NEK10: variants seen among roughly 807,000 people sequenced by gnomAD.
NEK10 encodes the protein NIMA related kinase 10, also known as serine/threonine-protein kinase Nek10.
Under a neutral mutation model 159.8 loss-of-function variants are expected in NEK10, and 122 were observed. The observed-to-expected ratio is 0.76, with a 90% confidence interval of 0.66 to 0.89. The LOEUF (loss-of-function observed/expected upper bound fraction) is 0.89. Among genes scored for constraint, NEK10 ranks in the 40% least tolerant of loss-of-function variants. NEK10 has a pLI of 0.00. For synonymous variants in NEK10, 466 were observed against 457.1 expected, an observed-to-expected ratio of 1.02 and a Z score of -0.25; for missense variants, 1,342 against 1,323.1, an observed-to-expected ratio of 1.01 and a Z score of -0.22.
Position 27,119,879 on chromosome 3 carries a change from A to T in NEK10, c.3082-11T>A, listed in dbSNP as rs1438406390. 1.2e-6 allele frequency: 2 copies of T among 1,600,780 alleles called. No individual in the cohort carries two copies. Among genetic ancestry groups the T allele is most frequent in the East Asian group, 4.5e-5 (2 of 44,782 alleles). On this transcript the variant is annotated splice_polypyrimidine_tract_variant and intron_variant, in intron 32 of 35. Transcript: ENST00000691995. The stretch of plus-strand genomic sequence containing the variant: ...AGATCCCTGAGATAACTGAAATAGA[A>T]AAAGCAAAATCACATCTTAGTTTAC...
intron 32 of NEK10, among the ~76,000 whole-genome samples, chr3:27,127,331 T>A (rs1054925571): frequency 6.6e-6 from 1 of 152,176 alleles, no homozygotes; most frequent in Non-Finnish European, 1.5e-5. Context: ...CTGAATACTG[T>A]CATGCACTGC....
intron 5 of NEK10, among the ~76,000 whole-genome samples, chr3:27,331,606 CAGGTAA>C (rs2046424608): frequency 6.6e-6 from 1 of 152,150 alleles, no homozygotes. Context: ...TGCTGAGGAC[CAGGTAA>C]AGCTTGAAAG....
chr3:27,115,808 A>G, intron 35 of NEK10, 132 bp downstream of exon 35: 1 of 679,874 alleles, frequency 1.5e-6, no homozygotes, highest in Non-Finnish European at 2.5e-6. Context: ...GTCTAAGCCA[A>G]GATATTTTAT....
chr3:27,365,332 A>G (rs1306503367), intron 1 of NEK10, among the ~76,000 whole-genome samples: 1 of 152,122 alleles, frequency 6.6e-6, no homozygotes, highest in Non-Finnish European at 1.5e-5. Flanking sequence ...GAGCCAGTCA[A>G]TTGTCATTTT....
chr3:27,172,013 T>C (rs1399705254), intron 28 of NEK10, 140 bp from the exon 29 acceptor site: 2 of 900,998 alleles, frequency 2.2e-6, no homozygotes, highest in East Asian at 5.4e-5. Flanking sequence ...TTGGTGGGAC[T>C]GTAAATTAGT....
chr3:27,199,506 T>G (rs1949862861), intron 25 of NEK10, among the ~76,000 whole-genome samples: 1 of 152,178 alleles, frequency 6.6e-6, no homozygotes, highest in Non-Finnish European at 1.5e-5. Context: ...GCACTGTTGG[T>G]GGGAGTGTAA....
chr3:27,143,962 G>A (rs1055275444), intron 30 of NEK10, among the ~76,000 whole-genome samples: 1 of 152,188 alleles, frequency 6.6e-6, no homozygotes, highest in Admixed American at 6.5e-5. Context: ...AAATTTCAGA[G>A]TACATTGGAA....
intron 23 of NEK10, among the ~76,000 whole-genome samples, chr3:27,246,060 A>G (rs577837123): frequency 6.6e-6 from 1 of 152,326 alleles, no homozygotes; most frequent in South Asian, 2.1e-4. Flanking sequence ...AAGATAAATG[A>G]TTCTGAATTT....
chr3:27,224,285 G>A (rs1952409319), intron 23 of NEK10, among the ~76,000 whole-genome samples: 1 of 152,218 alleles, frequency 6.6e-6, no homozygotes, highest in African/African-American at 2.4e-5. Context: ...TTCTTAGGGT[G>A]AGGGCTGGCT....
chr3:27,309,638 G>A (rs1482683825), intron 9 of NEK10: 2 of 152,110 alleles, frequency 1.3e-5, no homozygotes, highest in Non-Finnish European at 1.5e-5. Context: ...CTGATCCCAC[G>A]CTGGGAAGAA....
intron 23 of NEK10, chr3:27,215,636 T>G (rs1452905622): frequency 2.3e-5 from 11 of 473,236 alleles, no homozygotes; most frequent in African/African-American, 1.8e-4. Context: ...ATTTTGTTTA[T>G]CACATTTAAA....
At chr3:27,131,807 A>G in intron 32 of NEK10, 73 bp downstream of exon 32, 1 of 728,546 alleles carries the variant, frequency 1.4e-6, no homozygotes, top group South Asian at 1.8e-5. Context: ...GTACGAAGTA[A>G]AGGAGGTATA....
At chr3:27,261,418 T>G (rs1306749615) in intron 22 of NEK10, among the ~76,000 whole-genome samples, 2 of 152,232 alleles carry the variant, frequency 1.3e-5, no homozygotes, top group Non-Finnish European at 1.5e-5. Flanking sequence ...TTCTGGTATG[T>G]TGTGTCTTTG....
intron 30 of NEK10, among the ~76,000 whole-genome samples, chr3:27,144,407 G>GT (rs772991083): frequency 2.0e-5 from 3 of 152,160 alleles, no homozygotes; most frequent in Non-Finnish European, 4.4e-5. Flanking sequence ...CTCATTGTGC[G>GT]TAAGTACAAG....
Position 27,214,700 on chromosome 3 carries a change from A to G in NEK10, c.2091-12143T>C, listed in dbSNP as rs1361734325. On this transcript the variant is annotated intron_variant, in intron 23 of 35. Coordinates refer to ENST00000691995, the MANE Select transcript of NEK10 (RefSeq NM_001394966.1). ...GCATTACTGATAACATTGTTACAGA[A>G]GAATGGCAGCTTACTTCACGGCACT... The G allele has an allele frequency of 9.1e-6, 6 of 661,172 alleles. No individual in the cohort carries two copies. In the Admixed American group the frequency reaches 1.2e-4, roughly 13 times the overall value. The allele number at this position is 661,172 out of a possible 1,614,324, so 41.0% of individuals were successfully genotyped here. A position where few individuals can be genotyped will look rare whatever the true frequency, so the allele number is the denominator to read the frequency against.
chr3:27,174,736 A>G lies in NEK10; in HGVS notation c.2603T>C (p.Phe868Ser), dbSNP rs770432082. 3 of 1,613,762 alleles carry G rather than the reference A, an allele frequency of 1.9e-6. No homozygotes were observed. The highest frequency in any genetic ancestry group is 2.5e-6 in the Non-Finnish European group (3 of 1,179,874). ...SESADLPPEG[F>S]QASYGKDEDR... ...TTCGTCTTTACCATAGGAGGCCTGG[A>G]AGCCTTCAGGGGGCAGGTCTGCGCT... is the stretch of plus-strand genomic sequence containing the variant. The change falls in exon 27 of 36, where the codon TTC (phenylalanine) becomes TCC (serine). Residue 868 changes from phenylalanine (F) to serine (S), a missense_variant. Phe to Ser is a radical substitution (Grantham distance 155). Transcript: ENST00000691995.
chr3:27,239,811 A>C (rs1456885438), intron 23 of NEK10, among the ~76,000 whole-genome samples: 4 of 152,198 alleles, frequency 2.6e-5, no homozygotes, highest in Non-Finnish European at 5.9e-5. Flanking sequence ...CTGGCCACTA[A>C]ACCCAAAAAG....
chr3:27,173,468 C>T (rs1317732904), intron 28 of NEK10, among the ~76,000 whole-genome samples: 2 of 152,138 alleles, frequency 1.3e-5, no homozygotes, highest in African/African-American at 4.8e-5. Context: ...AATTAATACA[C>T]CTAGAAGGCA....
chr3:27,154,881 C>T lies in NEK10; in HGVS notation c.2869+7820G>A, dbSNP rs138896519. Among the ~76,000 whole-genome samples the T allele has an allele frequency of 2.4e-3, 363 of 152,212 alleles. 2 individuals are homozygous for T. Among genetic ancestry groups the T allele is most frequent in the African/African-American group, 8.2e-3 (340 of 41,524 alleles). On this transcript the variant is annotated intron_variant, in intron 30 of 35. Coordinates refer to ENST00000691995, the MANE Select transcript of NEK10 (RefSeq NM_001394966.1). Reference sequence around the variant, plus strand: ...AAGTTGAAAGCATTCTCTCTGAGAACTGGAACAAGACAAGGATGCCCACTC... The same window carrying T: ...AAGTTGAAAGCATTCTCTCTGAGAATTGGAACAAGACAAGGATGCCCACTC...
Sources: allele counts gnomAD v4.1 joint callset (sites outside exome capture counted in the v4.1 genomes callset), GRCh38; gene constraint gnomAD v4.1.1; transcripts MANE v1.5; gene names NCBI Gene and HGNC (gene_info 2026-07-23, HGNC 2026-07-21).